The following PAFAH1B2 variants were observed in gnomAD, a reference collection of about 807,000 sequenced individuals.
PAFAH1B2 encodes platelet-activating factor acetylhydrolase IB subunit alpha2.
Under a neutral mutation model 28.0 loss-of-function variants are expected in PAFAH1B2, and 8 were observed. The ratio of observed to expected loss-of-function variants is 0.29; its 90% CI spans 0.17 to 0.52. The LOEUF (loss-of-function observed/expected upper bound fraction) is 0.52, where lower values mean the gene tolerates loss of function less well. Among genes scored for constraint, PAFAH1B2 ranks in the 20% least tolerant of loss-of-function variants. The pLI, the probability that PAFAH1B2 is intolerant of heterozygous loss-of-function variation, is 0.97. For synonymous variants in PAFAH1B2, 104 were observed against 103.2 expected, an observed-to-expected ratio of 1.01 and a Z score of -0.05; for missense variants, 190 against 282.6, an observed-to-expected ratio of 0.67 and a Z score of 2.35.
In PAFAH1B2 at chr11:117,170,989, G is replaced by A. The variant is rs1232365297; in HGVS notation, c.*3290G>A. 9.5e-7 allele frequency: 1 copy of A among 1,047,866 alleles called. No homozygotes were observed. The highest frequency in any genetic ancestry group is 1.7e-5 in the African/African-American group (1 of 60,180). 64.9% of individuals were successfully genotyped at this position (1,047,866 alleles called of 1,614,324 possible). On this transcript the variant is annotated 3_prime_UTR_variant, in exon 6 of 6. Transcript: ENST00000527958. ...TGCTTTGGCAAAGTTTCATTGACTA[G>A]TAGAACTCATTCTGTTTTAGTGTAT... is the stretch of plus-strand genomic sequence containing the variant.
intron 1 of PAFAH1B2, among the ~76,000 whole-genome samples, chr11:117,146,838 G>GAA (rs1565258602): frequency 2.2e-5 from 3 of 135,914 alleles, no homozygotes; most frequent in Admixed American, 7.0e-5. Context: ...CCCATCTATT[G>GAA]GAAAAAAAAA....
chr11:117,161,008 C>T, intron 3 of PAFAH1B2, 137 bp from the exon 4 acceptor site: 5 of 629,960 alleles, frequency 7.9e-6, no homozygotes, highest in Non-Finnish European at 8.2e-6. Flanking sequence ...CTTAAAAGCC[C>T]TTAAACAGTG....
chr11:117,174,045 C>G (rs777789554), downstream of PAFAH1B2, among the ~76,000 whole-genome samples: 2 of 152,124 alleles, frequency 1.3e-5, no homozygotes, highest in Admixed American at 6.5e-5. Context: ...GATTCTGTCT[C>G]CCACCCATAG....
At chr11:117,161,462 T>C (rs1231987865) in intron 4 of PAFAH1B2, among the ~76,000 whole-genome samples, 1 of 152,118 alleles carries the variant, frequency 6.6e-6, no homozygotes, top group African/African-American at 2.4e-5. Context: ...TGTTTGCCTA[T>C]TGGGTTGTAT....
intron 1 of PAFAH1B2, among the ~76,000 whole-genome samples, chr11:117,148,217 A>G (rs1956061888): frequency 6.6e-6 from 1 of 151,710 alleles, no homozygotes; most frequent in South Asian, 2.1e-4. Flanking sequence ...CAACCTGGCT[A>G]ATCTTTTGTA....
downstream of PAFAH1B2, among the ~76,000 whole-genome samples, chr11:117,172,382 ATATATATATATATATATATATAT>A (rs1340427556): frequency 2.5e-3 from 7 of 2,774 alleles, no homozygotes; most frequent in East Asian, 0.02. Flanking sequence ...ATATATATAT[ATATATATATATATATATATATAT>A]TTTTTTTTTT....
downstream of PAFAH1B2, among the ~76,000 whole-genome samples, chr11:117,173,791 T>G (rs536312563): frequency 6.5e-4 from 99 of 152,314 alleles, 1 homozygote; most frequent in African/African-American, 1.9e-3. Flanking sequence ...GGAAGAGAGA[T>G]AACCAGACAC....
chr11:117,157,865 C>T (rs1013138245), intron 2 of PAFAH1B2, among the ~76,000 whole-genome samples: 60 of 152,242 alleles, frequency 3.9e-4, no homozygotes, highest in African/African-American at 1.3e-3. Flanking sequence ...TGGTCTGGCA[C>T]GGTAGTTCAC....
At position 117,167,832 on chromosome 11, in the gene PAFAH1B2, AG is replaced by A; in HGVS notation, c.*137del. 2 of 1,279,426 alleles carry A rather than the reference AG, an allele frequency of 1.6e-6. No homozygotes were observed. The highest frequency in any genetic ancestry group is 2.0e-6 in the Non-Finnish European group (2 of 1,006,410). 79.3% of individuals were successfully genotyped at this position (1,279,426 alleles called of 1,614,324 possible). On this transcript the variant is annotated 3_prime_UTR_variant, in exon 6 of 6. Coordinates refer to ENST00000527958, the MANE Select transcript of PAFAH1B2 (RefSeq NM_002572.4). Reference sequence around the variant, plus strand: ...CTGGATGTTCATATCTAGTGTTTGAAGGGGAGGAGGGATTTAAACTGGTCCT... The same window carrying A: ...CTGGATGTTCATATCTAGTGTTTGAAGGGAGGAGGGATTTAAACTGGTCCT...
chr11:117,172,379 TATATATATATA>T (rs1956679195), downstream of PAFAH1B2, among the ~76,000 whole-genome samples: 2 of 3,368 alleles, frequency 5.9e-4, no homozygotes, highest in South Asian at 4.3e-3. Context: ...TATATATATA[TATATATATATA>T]TATATATATA....
chr11:117,149,430 G>GTTTTTTTGTTTT (rs1956092896), intron 1 of PAFAH1B2, among the ~76,000 whole-genome samples: 1 of 86,084 alleles, frequency 1.2e-5, no homozygotes, highest in Non-Finnish European at 2.2e-5. Flanking sequence ...TTTTCTAATC[G>GTTTTTTTGTTTT]TTTTTTTTTT....
intron 1 of PAFAH1B2, among the ~76,000 whole-genome samples, chr11:117,146,650 G>T (rs967055891): frequency 6.6e-6 from 1 of 152,028 alleles, no homozygotes; most frequent in Non-Finnish European, 1.5e-5. Context: ...GCTGTGTTAC[G>T]CCACTTCACT....
At chr11:117,165,604 G>T (rs1956488996) in intron 5 of PAFAH1B2, among the ~76,000 whole-genome samples, 1 of 152,130 alleles carries the variant, frequency 6.6e-6, no homozygotes, top group Non-Finnish European at 1.5e-5. Context: ...TTATTATACT[G>T]TGTGCTGTTT....
Position 117,170,793 on chromosome 11 carries a change from A to G in PAFAH1B2, c.*3094A>G, listed in dbSNP as rs1956635169. On this transcript the variant is annotated 3_prime_UTR_variant, in exon 6 of 6. Transcript: ENST00000527958. ...AAGAAGAAACTAAAAATATATGGAA[A>G]TGAGGAGCATGTCCAAGCTCCTAAA... is the stretch of plus-strand genomic sequence containing the variant. The G allele has an allele frequency of 3.8e-6, 4 of 1,060,282 alleles. No homozygotes were observed. The highest frequency in any genetic ancestry group is 5.1e-5 in the East Asian group (1 of 19,514). The allele number at this position is 1,060,282 out of a possible 1,614,324, so 65.7% of individuals were successfully genotyped here. A position where few individuals can be genotyped will look rare whatever the true frequency, so the allele number is the denominator to read the frequency against.
chr11:117,171,757 A>G (rs755231070), downstream of PAFAH1B2: 20 of 1,533,716 alleles, frequency 1.3e-5, no homozygotes, highest in Admixed American at 1.8e-4. Context: ...GTGAGTTGGT[A>G]TGCCGGTATG....
intron 3 of PAFAH1B2, among the ~76,000 whole-genome samples, chr11:117,160,474 G>GT (rs1956349389): frequency 6.6e-6 from 1 of 152,054 alleles, no homozygotes; most frequent in African/African-American, 2.4e-5. Context: ...AAATTTATTA[G>GT]TTTTTTTATT....
At chr11:117,166,896 A>G (rs895916336) in intron 5 of PAFAH1B2, among the ~76,000 whole-genome samples, 2 of 152,192 alleles carry the variant, frequency 1.3e-5, no homozygotes, top group African/African-American at 2.4e-5. Flanking sequence ...GATTGGAGAT[A>G]AGTTCCTGAG....
rs10466592 is a variant in PAFAH1B2, at chr11:117,148,967, G to A, written c.-7-3474G>A. Among the ~76,000 whole-genome samples the A allele has an allele frequency of 9.5e-3, 1,436 of 151,438 alleles. 26 individuals are homozygous for A. The highest frequency in any genetic ancestry group is 0.032 in the African/African-American group (1,321 of 41,280). On this transcript the variant is annotated intron_variant, in intron 1 of 5. Transcript: ENST00000527958. ...ACTGCAGCCTCCACCTCCTGGGCTC[G>A]AGCGATTCTCCTCCCTCAGCCTCCC...
At position 117,168,446 on chromosome 11, in the gene PAFAH1B2, G is replaced by GTTTCTTTTTTTTTTTTT. The variant is rs55659804; in HGVS notation, c.*750_*751insCTTTTTTTTTTTTTTTT. 4.9e-6 allele frequency: 1 copy of GTTTCTTTTTTTTTTTTT among 205,914 alleles called. No homozygotes were observed. The highest frequency in any genetic ancestry group is 5.7e-6 in the Non-Finnish European group (1 of 175,976). 12.8% of individuals were successfully genotyped at this position (205,914 alleles called of 1,614,324 possible). On this transcript the variant is annotated 3_prime_UTR_variant, in exon 6 of 6. Transcript: ENST00000527958. ...TCCCCTTCATTCCCCCCGCCACCCC[G>GTTTCTTTTTTTTTTTTT]TTTTTTTTTTTTTTTTTTTTTTTTT...
Sources: allele counts gnomAD v4.1 joint callset (sites outside exome capture counted in the v4.1 genomes callset), GRCh38; gene constraint gnomAD v4.1.1; transcripts MANE v1.5; gene names NCBI Gene and HGNC (gene_info 2026-07-23, HGNC 2026-07-21).